Variants in PCSK2 observed in about 807,000 individuals in gnomAD.
PCSK2 encodes the protein neuroendocrine convertase 2.
PCSK2 carries 14 observed loss-of-function variants against 69.7 expected under a neutral mutation model. The observed-to-expected ratio is 0.20, with a 90% CI of 0.13 to 0.31. The LOEUF (loss-of-function observed/expected upper bound fraction) is 0.31, where lower values mean the gene tolerates loss of function less well. Among genes scored for constraint, PCSK2 ranks in the 10% least tolerant of loss-of-function variants. The probability of loss-of-function intolerance (pLI) is 1.00; values close to 1 mark genes in which losing one functional copy is unlikely to be tolerated. For missense variants in PCSK2, 544 were observed against 842.5 expected, an observed-to-expected ratio of 0.65 and a Z score of 4.39; for synonymous variants, 307 against 320.7, an observed-to-expected ratio of 0.96 and a Z score of 0.46.
At chr20:17,271,577 A>T (rs375704641) in intron 2 of PCSK2, among the ~76,000 whole-genome samples, 1 of 151,874 alleles carries the variant, frequency 6.6e-6, no homozygotes, top group African/African-American at 2.4e-5. Flanking sequence ...CGGCAAAATG[A>T]TCTTCTCCTC....
rs1340160191 is a variant in PCSK2, at chr20:17,409,230, T to TA, written c.544-32dup. The TA allele has an allele frequency of 3.2e-6, 5 of 1,567,200 alleles. No individual in the cohort carries two copies. The African/African-American group carries it at 6.8e-5, about 21-fold the overall frequency. ...TTTCCCTTTACTGCGCCTCTGGCTG[T>TA]ACGGACCTAATGAGATGCCTTGTGT... On this transcript the variant is annotated intron_variant, in intron 5 of 11. Coordinates refer to ENST00000262545, the MANE Select transcript of PCSK2 (RefSeq NM_002594.5).
chr20:17,304,874 TAAAA>T (rs1394648047), intron 2 of PCSK2, among the ~76,000 whole-genome samples: 23 of 152,216 alleles, frequency 1.5e-4, no homozygotes, highest in African/African-American at 5.5e-4. Context: ...AGAATATAGT[TAAAA>T]GCAATTCCAC....
chr20:17,404,766 G>A (rs2031716817), intron 5 of PCSK2, among the ~76,000 whole-genome samples: 1 of 152,194 alleles, frequency 6.6e-6, no homozygotes, highest in Non-Finnish European at 1.5e-5. Context: ...AGGGCAGCCT[G>A]GGAGCCCAAG....
intron 2 of PCSK2, among the ~76,000 whole-genome samples, chr20:17,303,458 AATATAATATATAT>A (rs1989178757): frequency 1.8e-5 from 1 of 55,536 alleles, no homozygotes; most frequent in Non-Finnish European, 3.7e-5. Flanking sequence ...TATTATATTA[AATATAATATATAT>A]TATATATAAT....
chr20:17,285,732 C>T (rs1285748377), intron 2 of PCSK2, among the ~76,000 whole-genome samples: 1 of 152,142 alleles, frequency 6.6e-6, no homozygotes, highest in Non-Finnish European at 1.5e-5. Context: ...CTGGCCTTGG[C>T]AATCATGAGC....
intron 2 of PCSK2, among the ~76,000 whole-genome samples, chr20:17,287,379 T>C (rs995736722): frequency 2.0e-5 from 3 of 150,410 alleles, no homozygotes; most frequent in African/African-American, 7.3e-5. Context: ...TGCAAATATT[T>C]ATTCATGAGG....
chr20:17,323,899 C>A (rs962885608), intron 2 of PCSK2, among the ~76,000 whole-genome samples: 7 of 152,220 alleles, frequency 4.6e-5, no homozygotes, highest in African/African-American at 1.7e-4. Context: ...CCAATACCTG[C>A]AACTCTTCAT....
At chr20:17,416,008 TTA>T (rs1274894714) in intron 6 of PCSK2, among the ~76,000 whole-genome samples, 1 of 152,188 alleles carries the variant, frequency 6.6e-6, no homozygotes, top group Non-Finnish European at 1.5e-5. Context: ...TCCTTATACC[TTA>T]TACAAAAATT....
intron 1 of PCSK2, among the ~76,000 whole-genome samples, chr20:17,256,957 T>A (rs1318260986): frequency 6.6e-6 from 1 of 152,188 alleles, no homozygotes; most frequent in Non-Finnish European, 1.5e-5. Context: ...GAACTCATCC[T>A]TTTTTATGGC....
At chr20:17,268,033 G>GTATATATATATATATATATATATATA (rs753655282) in intron 2 of PCSK2, among the ~76,000 whole-genome samples, 4 of 66,320 alleles carry the variant, frequency 6.0e-5, no homozygotes, top group Non-Finnish European at 8.8e-5. Context: ...TATCCAATGT[G>GTATATATATATATATATATATATATA]TATATATATA....
chr20:17,387,763 A>C (rs1324813264), intron 5 of PCSK2, among the ~76,000 whole-genome samples: 1 of 152,190 alleles, frequency 6.6e-6, no homozygotes, highest in Non-Finnish European at 1.5e-5. Flanking sequence ...TAGGATCCCA[A>C]CTGGGAGGCG....
chr20:17,282,715 T>C (rs1988364667), intron 2 of PCSK2, among the ~76,000 whole-genome samples: 1 of 151,150 alleles, frequency 6.6e-6, no homozygotes, highest in Admixed American at 6.6e-5. Context: ...GACTCATTAG[T>C]GGAAGTATTT....
At chr20:17,358,212 G>T (rs930594275) in intron 2 of PCSK2, 115 bp from the exon 3 acceptor site, 1 of 650,182 alleles carries the variant, frequency 1.5e-6, no homozygotes, top group East Asian at 2.7e-5. Context: ...ACTTGCTTTT[G>T]CCAAAGAAAA....
At chr20:17,235,146 G>A (rs1273922862) in intron 1 of PCSK2, among the ~76,000 whole-genome samples, 1 of 151,494 alleles carries the variant, frequency 6.6e-6, no homozygotes, top group Non-Finnish European at 1.5e-5. Context: ...TTTTGTCACT[G>A]AAGCTAATTT....
At chr20:17,411,494 G>C (rs2031871944) in intron 6 of PCSK2, among the ~76,000 whole-genome samples, 1 of 151,128 alleles carries the variant, frequency 6.6e-6, no homozygotes. Context: ...GACTTGAGTA[G>C]GTAAAAAAAA....
chr20:17,313,473 A>G (rs1013329328), intron 2 of PCSK2, among the ~76,000 whole-genome samples: 1 of 152,138 alleles, frequency 6.6e-6, no homozygotes, highest in African/African-American at 2.4e-5. Flanking sequence ...CACTGACAAC[A>G]CTAAAACCCA....
intron 2 of PCSK2, among the ~76,000 whole-genome samples, chr20:17,281,012 AT>A (rs991903543): frequency 6.1e-4 from 93 of 152,112 alleles, no homozygotes; most frequent in Admixed American, 4.6e-3. Context: ...CTCCCGCCAT[AT>A]TTGCCTTCTC....
chr20:17,256,759 G>C (rs1473255225), intron 1 of PCSK2, among the ~76,000 whole-genome samples: 1 of 151,970 alleles, frequency 6.6e-6, no homozygotes, highest in Non-Finnish European at 1.5e-5. Flanking sequence ...TTCTCCTAAT[G>C]TTATTCCTCC....
intron 2 of PCSK2, among the ~76,000 whole-genome samples, chr20:17,324,215 C>A (rs1184179876): frequency 6.6e-6 from 1 of 152,120 alleles, no homozygotes; most frequent in Non-Finnish European, 1.5e-5. Context: ...ATACTCAAGT[C>A]TTTGTCTTGG....
Sources: gnomAD v4.1 joint callset for allele counts (sites outside exome capture counted in the v4.1 genomes callset) on GRCh38, gnomAD v4.1.1 for gene constraint, MANE v1.5 for transcripts, NCBI Gene and HGNC (gene_info 2026-07-23, HGNC 2026-07-21) for gene names.